Variants in LSAMP observed in about 807,000 individuals in gnomAD.
LSAMP encodes limbic system associated membrane protein, also known as limbic system-associated membrane protein.
In LSAMP, 7 loss-of-function variants were observed where a neutral mutation model predicts 38.6. The observed-to-expected ratio is 0.18, with a 90% CI of 0.10 to 0.34. The LOEUF (loss-of-function observed/expected upper bound fraction) is 0.34. Ranked by LOEUF, LSAMP falls within the 10% of genes least tolerant of loss-of-function variation. The pLI, the probability that LSAMP is intolerant of heterozygous loss-of-function variation, is 1.00. For missense variants in LSAMP, 313 were observed against 420.0 expected (o/e 0.75, Z 2.23); for synonymous variants, 154 against 166.8 (o/e 0.92, Z 0.59).
At chr3:115,984,762 A>G (rs925288381) in intron 3 of LSAMP, among the ~76,000 whole-genome samples, 6 of 152,206 alleles carry the variant, frequency 3.9e-5, no homozygotes, top group Admixed American at 6.6e-5. Context: ...CATTGTAAAG[A>G]CTGTTACAGT....
Position 116,142,961 on chromosome 3 carries a change from A to AT in LSAMP, c.156-56406dup, listed in dbSNP as rs538899227. ...GTTCACCTGAGGAACTGGTGTTTTAATTTTTTTCCAAAGTTTAACATTATG... is the reference window on the plus strand; with the variant it reads ...GTTCACCTGAGGAACTGGTGTTTTAATTTTTTTTCCAAAGTTTAACATTATG... On this transcript the variant is annotated intron_variant, in intron 1 of 6. Coordinates refer to ENST00000490035, the MANE Select transcript of LSAMP (RefSeq NM_002338.5). Among the ~76,000 whole-genome samples the AT allele has an allele frequency of 2.5e-3, 377 of 150,996 alleles. 1 individual carries two copies. The highest frequency in any genetic ancestry group is 3.8e-3 in the Non-Finnish European group (259 of 67,686).
In LSAMP at chr3:115,806,780, A is replaced by T. The variant is rs1418751442; in HGVS notation, c.*3537T>A. The stretch of plus-strand genomic sequence containing the variant: ...CTATAAGCCTTAGTTCTTTTAAGAC[A>T]TGGGGATTTCATGTCTCGAAACAAA... On this transcript the variant is annotated 3_prime_UTR_variant, in exon 7 of 7. Transcript: ENST00000490035. The T allele has an allele frequency of 6.6e-6, 1 of 152,212 alleles. No individual in the cohort carries two copies. The highest frequency in any genetic ancestry group is 2.4e-5 in the African/African-American group (1 of 41,450). The allele number at this position is 152,212 out of a possible 1,614,324, so 9.4% of individuals were successfully genotyped here.
At chr3:116,199,039 G>A (rs2045952624) in intron 1 of LSAMP, among the ~76,000 whole-genome samples, 1 of 152,084 alleles carries the variant, frequency 6.6e-6, no homozygotes, top group Non-Finnish European at 1.5e-5. Context: ...AGCCATGATT[G>A]TGTCACTGCA....
At chr3:116,359,149 A>G (rs1340355683) in intron 1 of LSAMP, among the ~76,000 whole-genome samples, 4 of 152,252 alleles carry the variant, frequency 2.6e-5, no homozygotes, top group Non-Finnish European at 4.4e-5. Context: ...TTTATGATAC[A>G]TACTACTTTT....
chr3:115,834,708 A>G (rs1934728871), intron 6 of LSAMP: 1 of 389,806 alleles, frequency 2.6e-6, no homozygotes, highest in Non-Finnish European at 3.9e-6. Flanking sequence ...TTCCATGCTT[A>G]CAGGATCATA....
intron 1 of LSAMP, among the ~76,000 whole-genome samples, chr3:116,181,346 G>T (rs552209499): frequency 6.6e-6 from 1 of 151,978 alleles, no homozygotes; most frequent in East Asian, 1.9e-4. Context: ...GTAACAAAGG[G>T]CAGATTTACA....
intron 1 of LSAMP, among the ~76,000 whole-genome samples, chr3:116,178,523 G>A (rs1451111463): frequency 6.6e-6 from 1 of 152,152 alleles, no homozygotes; most frequent in Non-Finnish European, 1.5e-5. Flanking sequence ...ATAAATCTAA[G>A]CCTTAGTACC....
chr3:116,433,136 T>C (rs2049303963), intron 1 of LSAMP, among the ~76,000 whole-genome samples: 1 of 152,014 alleles, frequency 6.6e-6, no homozygotes, highest in Non-Finnish European at 1.5e-5. Flanking sequence ...CACAAAACAA[T>C]CAGAAGTCAG....
intron 1 of LSAMP, among the ~76,000 whole-genome samples, chr3:116,274,810 A>ATAAT (rs1173596652): frequency 6.6e-6 from 1 of 152,114 alleles, no homozygotes; most frequent in African/African-American, 2.4e-5. Flanking sequence ...AAAGAATGAT[A>ATAAT]TAATTTATAG....
chr3:116,268,745 T>A (rs1232240758), intron 1 of LSAMP, among the ~76,000 whole-genome samples: 1 of 152,116 alleles, frequency 6.6e-6, no homozygotes, highest in African/African-American at 2.4e-5. Flanking sequence ...AAGTATATAA[T>A]TTGTTGCTCA....
At chr3:116,079,522 G>T (rs138577049) in intron 2 of LSAMP, among the ~76,000 whole-genome samples, 1 of 151,174 alleles carries the variant, frequency 6.6e-6, no homozygotes, top group African/African-American at 2.4e-5. Flanking sequence ...GCATGGTGGC[G>T]CACGCCTGTA....
chr3:116,079,516 G>T (rs1707826196), intron 2 of LSAMP, among the ~76,000 whole-genome samples: 1 of 151,986 alleles, frequency 6.6e-6, no homozygotes, highest in Admixed American at 6.6e-5. Flanking sequence ...AGCTGGGCAT[G>T]GTGGCGCACG....
At chr3:116,391,684 G>A (rs2048700584) in intron 1 of LSAMP, among the ~76,000 whole-genome samples, 1 of 152,104 alleles carries the variant, frequency 6.6e-6, no homozygotes, top group Non-Finnish European at 1.5e-5. Context: ...AAATCACTTT[G>A]ATAGTACTGA....
At chr3:115,861,741 G>A (rs1342621125) in intron 3 of LSAMP, among the ~76,000 whole-genome samples, 1 of 152,148 alleles carries the variant, frequency 6.6e-6, no homozygotes, top group Non-Finnish European at 1.5e-5. Context: ...TTCTAATATG[G>A]TTGGTATTAG....
At chr3:115,839,361 T>C (rs1934922907) in intron 6 of LSAMP, among the ~76,000 whole-genome samples, 1 of 151,298 alleles carries the variant, frequency 6.6e-6, no homozygotes, top group Non-Finnish European at 1.5e-5. Context: ...TTTCCTTTCT[T>C]TTCTTTTAGA....
chr3:115,813,499 TGTATAA>T (rs1019627412), intron 6 of LSAMP, among the ~76,000 whole-genome samples: 30 of 152,184 alleles, frequency 2.0e-4, no homozygotes, highest in South Asian at 6.2e-4. Context: ...CATTAAGTGA[TGTATAA>T]GTATATTTGA....
chr3:116,089,271 T>C (rs1392101492), intron 1 of LSAMP, among the ~76,000 whole-genome samples: 1 of 152,256 alleles, frequency 6.6e-6, no homozygotes, highest in East Asian at 1.9e-4. Flanking sequence ...TTGTTTTTGA[T>C]CTGGGTTTTA....
At chr3:115,838,446 A>T (rs6804617) in intron 6 of LSAMP, among the ~76,000 whole-genome samples, 7,735 of 152,314 alleles carry the variant, frequency 0.051, 231 homozygotes, top group African/African-American at 0.072. Context: ...TATCACTCGA[A>T]GTCCAAGTTT....
intron 3 of LSAMP, among the ~76,000 whole-genome samples, chr3:115,908,360 A>T (rs934646048): frequency 6.6e-6 from 1 of 152,168 alleles, no homozygotes; most frequent in African/African-American, 2.4e-5. Context: ...TAGACTTAGT[A>T]CATCTTATCT....
Sources: allele counts gnomAD v4.1 joint callset (sites outside exome capture counted in the v4.1 genomes callset), GRCh38; gene constraint gnomAD v4.1.1; transcripts MANE v1.5; gene names NCBI Gene and HGNC (gene_info 2026-07-23, HGNC 2026-07-21).